The following FREM2 variants were observed in gnomAD, a reference collection of about 807,000 sequenced individuals.
FREM2 encodes the protein FRAS1 related extracellular matrix 2.
In FREM2, 119 loss-of-function variants were observed where a neutral mutation model predicts 219.9. That is an observed-to-expected ratio of 0.54 (90% CI 0.47 to 0.63). The LOEUF (loss-of-function observed/expected upper bound fraction) is 0.63. Among genes scored for constraint, FREM2 ranks in the 30% least tolerant of loss-of-function variants. FREM2 has a pLI of 0.00. For missense variants in FREM2, 4,030 were observed against 3,993.6 expected (o/e 1.01, Z -0.25); for synonymous variants, 1,562 against 1,522.8 (o/e 1.03, Z -0.60).
intron 2 of FREM2, among the ~76,000 whole-genome samples, chr13:38,716,818 T>C (rs1871022505): frequency 6.6e-6 from 1 of 152,198 alleles, no homozygotes; most frequent in Admixed American, 6.6e-5. Flanking sequence ...TGCTCTTTCT[T>C]ATCTTCCCAA....
chr13:38,777,008 C>A (rs1430141658), intron 4 of FREM2, among the ~76,000 whole-genome samples: 1 of 151,766 alleles, frequency 6.6e-6, no homozygotes, highest in African/African-American at 2.4e-5. Flanking sequence ...TGGGATTTGA[C>A]ATGTGTACTT....
chr13:38,735,287 A>G (rs1187095424), intron 2 of FREM2, among the ~76,000 whole-genome samples: 6 of 152,222 alleles, frequency 3.9e-5, no homozygotes, highest in Admixed American at 1.3e-4. Flanking sequence ...GTTTATAGCA[A>G]TCCTCATATT....
chr13:38,705,263 G>A (rs1870493517), intron 2 of FREM2, among the ~76,000 whole-genome samples: 1 of 152,090 alleles, frequency 6.6e-6, no homozygotes, highest in African/African-American at 2.4e-5. Context: ...TGATGAGTTG[G>A]AGTGTAGGGT....
chr13:38,847,873 C>A (rs567266251), intron 7 of FREM2, among the ~76,000 whole-genome samples: 10 of 152,090 alleles, frequency 6.6e-5, no homozygotes, highest in Non-Finnish European at 1.0e-4. Context: ...CTAGATATAA[C>A]CCCCTTTGTC....
chr13:38,882,610 A>G lies in FREM2; in HGVS notation c.*1823A>G, dbSNP rs1341235713. 3 of 152,232 alleles carry G rather than the reference A, an allele frequency of 2.0e-5. No individual in the cohort carries two copies. Among genetic ancestry groups the G allele is most frequent in the Non-Finnish European group, 4.4e-5 (3 of 68,034 alleles). 9.4% of individuals were successfully genotyped at this position (152,232 alleles called of 1,614,324 possible). On this transcript the variant is annotated 3_prime_UTR_variant, in exon 24 of 24. Transcript: ENST00000280481. ...AGCTCAAAAGTCCCACTAACGGCTT[A>G]TATGAACAGAAAGTACTGTGTAGCC...
At chr13:38,869,110 C>T (rs909854225) in intron 16 of FREM2, among the ~76,000 whole-genome samples, 2 of 152,214 alleles carry the variant, frequency 1.3e-5, no homozygotes, top group African/African-American at 4.8e-5. Flanking sequence ...ATTTTATCAA[C>T]TGGCAATTGC....
chr13:38,697,725 A>G lies in FREM2; in HGVS notation c.5201A>G (p.Tyr1734Cys). The change falls in exon 2 of 24, where the codon TAT becomes TGT. Residue 1734 changes from tyrosine to cysteine, a missense_variant. This residue lies in a region of FREM2 where 3,102 missense variants were observed against 2,950.7 expected (regional missense o/e 1.05). Coordinates refer to ENST00000280481, the MANE Select transcript of FREM2 (RefSeq NM_207361.6). ...GACATTGATGACATGAAAATATGCT[A>G]TGTCTTAAGAGAAGGGGCTAATGCC... ...QADIDDMKIC[Y>C]VLREGANATS... is the part of the protein sequence containing the mutation. 1 of 1,606,842 alleles carries G rather than the reference A, an allele frequency of 6.2e-7. No homozygotes were observed. The highest frequency in any genetic ancestry group is 8.5e-7 in the Non-Finnish European group (1 of 1,173,444).
chr13:38,730,636 C>T (rs1317717144), intron 2 of FREM2, among the ~76,000 whole-genome samples: 2 of 152,172 alleles, frequency 1.3e-5, no homozygotes, highest in Non-Finnish European at 2.9e-5. Flanking sequence ...CACCCTCACT[C>T]CCACCTTCCT....
rs937528722 is a variant in FREM2, at chr13:38,885,822, T to A, written c.*5035T>A. The A allele has an allele frequency of 3.9e-5, 6 of 152,226 alleles. No individual in the cohort carries two copies. The highest frequency in any genetic ancestry group is 1.2e-4 in the African/African-American group (5 of 41,466). The allele number at this position is 152,226 out of a possible 1,614,324, so 9.4% of individuals were successfully genotyped here. A position where few individuals can be genotyped will look rare whatever the true frequency, so the allele number is the denominator to read the frequency against. ...TTGACATTTAAGATGTAAAAAAAATTACTTTGATGGTTTAATTAAGAATAA... is the reference window on the plus strand; with the variant it reads ...TTGACATTTAAGATGTAAAAAAAATAACTTTGATGGTTTAATTAAGAATAA... On this transcript the variant is annotated 3_prime_UTR_variant, in exon 24 of 24. Coordinates refer to ENST00000280481, the MANE Select transcript of FREM2 (RefSeq NM_207361.6).
chr13:38,857,839 T>C, intron 12 of FREM2, 36 bp from the exon 13 acceptor site: 1 of 1,580,888 alleles, frequency 6.3e-7, no homozygotes, highest in East Asian at 2.2e-5. Context: ...AAGTTTAATA[T>C]TTCACTAATC....
intron 6 of FREM2, among the ~76,000 whole-genome samples, chr13:38,798,760 A>G (rs1375148549): frequency 1.3e-5 from 2 of 151,980 alleles, no homozygotes; most frequent in African/African-American, 2.4e-5. Flanking sequence ...GTTAGTCTGT[A>G]GTTGTTCATA....
intron 2 of FREM2, among the ~76,000 whole-genome samples, chr13:38,747,154 C>CAGA (rs2137788475): frequency 6.6e-6 from 1 of 152,174 alleles, no homozygotes; most frequent in African/African-American, 2.4e-5. Context: ...GAGTAAGAAA[C>CAGA]AGAAGAAATA....
intron 6 of FREM2, among the ~76,000 whole-genome samples, chr13:38,799,342 TCTTTTA>T (rs1874920487): frequency 6.6e-6 from 1 of 152,020 alleles, no homozygotes; most frequent in Non-Finnish European, 1.5e-5. Flanking sequence ...ATAAAATTTT[TCTTTTA>T]AAAAATTTGT....
intron 3 of FREM2, among the ~76,000 whole-genome samples, chr13:38,769,318 A>C (rs1873560692): frequency 6.6e-6 from 1 of 152,224 alleles, no homozygotes. Context: ...GTTTGACAAG[A>C]AGTTCTAATC....
At chr13:38,721,349 T>A (rs892840972) in intron 2 of FREM2, among the ~76,000 whole-genome samples, 4 of 151,740 alleles carry the variant, frequency 2.6e-5, no homozygotes, top group African/African-American at 9.7e-5. Context: ...ATAGGTAGGG[T>A]CAGAGATGGA....
intron 20 of FREM2, 78 bp downstream of exon 20, chr13:38,876,460 A>T (rs1473183352): frequency 6.7e-6 from 8 of 1,201,868 alleles, no homozygotes; most frequent in Admixed American, 1.8e-5. Flanking sequence ...AAAAAAAAAA[A>T]TCCACACGTG....
intron 2 of FREM2, among the ~76,000 whole-genome samples, chr13:38,757,750 C>T (rs1172983513): frequency 6.6e-6 from 1 of 151,996 alleles, no homozygotes; most frequent in Admixed American, 6.6e-5. Flanking sequence ...GCCACCAAGC[C>T]CAGCTAACTT....
intron 16 of FREM2, among the ~76,000 whole-genome samples, chr13:38,866,879 T>C (rs1877986526): frequency 6.6e-6 from 1 of 152,190 alleles, no homozygotes; most frequent in Non-Finnish European, 1.5e-5. Flanking sequence ...ATTATATCTG[T>C]CCACTTTTTT....
At chr13:38,751,264 C>T (rs902795052) in intron 2 of FREM2, among the ~76,000 whole-genome samples, 1 of 148,506 alleles carries the variant, frequency 6.7e-6, no homozygotes, top group Non-Finnish European at 1.5e-5. Flanking sequence ...TTCACATCAA[C>T]AGTGTACAGC....
Sources: gnomAD v4.1 joint callset for allele counts (sites outside exome capture counted in the v4.1 genomes callset) on GRCh38, gnomAD v4.1.1 for gene constraint, gnomAD v4.1.1 regional missense constraint, MANE v1.5 for transcripts, NCBI Gene and HGNC (gene_info 2026-07-23, HGNC 2026-07-21) for gene names.